Variants in GALNT2 observed in about 807,000 individuals in gnomAD.
GALNT2 encodes polypeptide N-acetylgalactosaminyltransferase 2.
A neutral mutation model predicts 81.4 loss-of-function variants in GALNT2; 31 were observed. The ratio of observed to expected loss-of-function variants is 0.38; its 90% CI spans 0.29 to 0.51. The LOEUF is 0.51. Among genes scored for constraint, GALNT2 ranks in the 20% least tolerant of loss-of-function variants. The pLI is 0.87. For synonymous variants in GALNT2, 303 were observed against 287.4 expected, an observed-to-expected ratio of 1.05 and a Z score of -0.55; for missense variants, 629 against 765.7, an observed-to-expected ratio of 0.82 and a Z score of 2.11.
At chr1:230,261,702 A>G (rs932684392) in intron 11 of GALNT2, among the ~76,000 whole-genome samples, 2 of 152,174 alleles carry the variant, frequency 1.3e-5, no homozygotes, top group African/African-American at 2.4e-5. Flanking sequence ...ATTTAAGTAC[A>G]TGGTTTTCTT....
At chr1:230,173,808 A>G (rs1478731397) in intron 1 of GALNT2, among the ~76,000 whole-genome samples, 3 of 152,178 alleles carry the variant, frequency 2.0e-5, no homozygotes. Flanking sequence ...TAAGTCTTAT[A>G]ATGTATGTAA....
chr1:230,114,556 A>G (rs1238216739), intron 1 of GALNT2, among the ~76,000 whole-genome samples: 1 of 152,260 alleles, frequency 6.6e-6, no homozygotes, highest in Non-Finnish European at 1.5e-5. Context: ...CTGCTGGGAC[A>G]TGAACAGGGG....
intron 3 of GALNT2, among the ~76,000 whole-genome samples, chr1:230,210,032 T>A (rs987695021): frequency 2.0e-5 from 3 of 152,114 alleles, no homozygotes; most frequent in Non-Finnish European, 4.4e-5. Context: ...GGTTCAGAGG[T>A]TCCTGGGGTA....
At chr1:230,110,401 C>T (rs1219136457) in intron 1 of GALNT2, among the ~76,000 whole-genome samples, 3 of 152,238 alleles carry the variant, frequency 2.0e-5, no homozygotes, top group East Asian at 3.9e-4. Context: ...CCTGGGAGCC[C>T]CACTACTGTC....
upstream of GALNT2, among the ~76,000 whole-genome samples, chr1:230,062,578 G>A (rs1198298774): frequency 6.6e-6 from 1 of 152,172 alleles, no homozygotes; most frequent in African/African-American, 2.4e-5. Context: ...TTTGGTTACT[G>A]TAGGAAACTC....
intron 1 of GALNT2, among the ~76,000 whole-genome samples, chr1:230,100,094 T>C (rs1367425164): frequency 6.6e-6 from 1 of 152,208 alleles, no homozygotes; most frequent in African/African-American, 2.4e-5. Flanking sequence ...GATCGTTGAA[T>C]GAATGGTTTA....
chr1:230,237,203 G>T (rs1017835796), intron 6 of GALNT2, among the ~76,000 whole-genome samples: 1 of 152,224 alleles, frequency 6.6e-6, no homozygotes, highest in East Asian at 1.9e-4. Flanking sequence ...GGAACCTTCT[G>T]TCAGTCTTAT....
At chr1:230,141,966 T>G (rs1343199725) in intron 1 of GALNT2, among the ~76,000 whole-genome samples, 1 of 151,958 alleles carries the variant, frequency 6.6e-6, no homozygotes, top group African/African-American at 2.4e-5. Flanking sequence ...TTTTGTTTGT[T>G]TTTTTGTTAG....
intron 1 of GALNT2, among the ~76,000 whole-genome samples, chr1:230,176,183 G>A (rs1232725061): frequency 1.3e-5 from 2 of 152,102 alleles, no homozygotes; most frequent in Non-Finnish European, 2.9e-5. Flanking sequence ...TGCTCACCCT[G>A]CACTAGTTTT....
chr1:230,107,760 A>G (rs1307703296), intron 1 of GALNT2, among the ~76,000 whole-genome samples: 1 of 152,146 alleles, frequency 6.6e-6, no homozygotes, highest in Non-Finnish European at 1.5e-5. Context: ...TAAGTGAATA[A>G]TTAAAACAGA....
chr1:230,230,096 A>C (rs1664826037), intron 3 of GALNT2, among the ~76,000 whole-genome samples: 1 of 152,228 alleles, frequency 6.6e-6, no homozygotes, highest in Admixed American at 6.5e-5. Context: ...TTTATGCGTG[A>C]AATATTTCAC....
At chr1:230,104,080 T>A (rs1184067598) in intron 1 of GALNT2, among the ~76,000 whole-genome samples, 2 of 152,158 alleles carry the variant, frequency 1.3e-5, no homozygotes, top group Non-Finnish European at 2.9e-5. Context: ...GTTTGGTAAA[T>A]GGCTTCATTT....
chr1:230,198,800 G>A (rs1375698406), intron 2 of GALNT2, among the ~76,000 whole-genome samples: 1 of 152,174 alleles, frequency 6.6e-6, no homozygotes, highest in East Asian at 1.9e-4. Context: ...TCTAAGAGAA[G>A]TCTATCTTCT....
chr1:230,159,927 C>T (rs1006000775), intron 1 of GALNT2, among the ~76,000 whole-genome samples: 2 of 152,152 alleles, frequency 1.3e-5, no homozygotes, highest in African/African-American at 4.8e-5. Context: ...AGCTGCTGTG[C>T]CTTCTGGGAC....
In GALNT2 at chr1:230,232,970, A is replaced by G. The variant is rs190589767; in HGVS notation, c.375-3044A>G. Among the ~76,000 whole-genome samples, 5 of 152,298 alleles carry G rather than the reference A, an allele frequency of 3.3e-5. No homozygotes were observed. The Middle Eastern group carries it at 0.014, about 414-fold the overall frequency. On this transcript the variant is annotated intron_variant, in intron 3 of 15. Transcript: ENST00000366672. ...ATTAATTAAAACAATAACTATAATA[A>G]AAGAAGCCCATTTTGTGATTCTGAC...
At chr1:230,207,927 T>C (rs1664116404) in intron 3 of GALNT2, among the ~76,000 whole-genome samples, 1 of 152,240 alleles carries the variant, frequency 6.6e-6, no homozygotes, top group African/African-American at 2.4e-5. Context: ...TATTTTTAAA[T>C]TGATATATCA....
chr1:230,280,132 C>A lies in GALNT2; in HGVS notation c.*674C>A. 5.0e-6 allele frequency: 2 copies of A among 397,162 alleles called. No individual in the cohort carries two copies. Among genetic ancestry groups the A allele is most frequent in the Non-Finnish European group, 1.0e-5 (2 of 197,192 alleles). The allele number at this position is 397,162 out of a possible 1,614,324, so 24.6% of individuals were successfully genotyped here. A position where few individuals can be genotyped will look rare whatever the true frequency, so the allele number is the denominator to read the frequency against. On this transcript the variant is annotated 3_prime_UTR_variant, in exon 16 of 16. Transcript: ENST00000366672. ...GTAGATCATCGTCATCTTGTATATT[C>A]CCCACAAAGCCGTTCGCAGCTTCCG...
At chr1:230,141,039 C>T (rs541304387) in intron 1 of GALNT2, among the ~76,000 whole-genome samples, 7 of 152,240 alleles carry the variant, frequency 4.6e-5, no homozygotes, top group South Asian at 2.1e-4. Flanking sequence ...AAATGACAAA[C>T]GAAACAAGAA....
chr1:230,206,598 C>A (rs1028305910), intron 3 of GALNT2, among the ~76,000 whole-genome samples: 6 of 152,188 alleles, frequency 3.9e-5, no homozygotes, highest in Non-Finnish European at 7.4e-5. Flanking sequence ...CCCAATATAT[C>A]TAATGGGGAG....
Sources: gnomAD v4.1 joint callset for allele counts (sites outside exome capture counted in the v4.1 genomes callset) on GRCh38, gnomAD v4.1.1 for gene constraint, MANE v1.5 for transcripts, NCBI Gene and HGNC (gene_info 2026-07-23, HGNC 2026-07-21) for gene names.